Variants in SH3RF1 observed in about 807,000 individuals in gnomAD.
The protein encoded by SH3RF1 is SH3 domain containing ring finger 1, also known as E3 ubiquitin-protein ligase SH3RF1.
In SH3RF1, 32 loss-of-function variants were observed where a neutral mutation model predicts 74.0. The ratio of observed to expected loss-of-function variants is 0.43; its 90% CI spans 0.33 to 0.58. The LOEUF is 0.58. Ranked by LOEUF, SH3RF1 falls within the 20% of genes least tolerant of loss-of-function variation. The pLI, the probability that SH3RF1 is intolerant of heterozygous loss-of-function variation, is 0.05. For missense variants in SH3RF1, 954 were observed against 1,130.9 expected (o/e 0.84, Z 2.24); for synonymous variants, 396 against 439.6 (o/e 0.90, Z 1.24).
chr4:169,201,653 T>C (rs991941908), intron 2 of SH3RF1: 1 of 152,222 alleles, frequency 6.6e-6, no homozygotes, highest in African/African-American at 2.4e-5. Context: ...CCAGTCAAAG[T>C]TATAATTTTG....
intron 2 of SH3RF1, among the ~76,000 whole-genome samples, chr4:169,205,834 A>G (rs911185575): frequency 6.6e-6 from 1 of 152,238 alleles, no homozygotes; most frequent in African/African-American, 2.4e-5. Flanking sequence ...TACAAAACCC[A>G]TATCCTGACT....
intron 2 of SH3RF1, among the ~76,000 whole-genome samples, chr4:169,222,562 A>G (rs917046410): frequency 6.6e-6 from 1 of 150,656 alleles, no homozygotes; most frequent in African/African-American, 2.4e-5. Flanking sequence ...ACAACTTCCT[A>G]AGAGGAATTT....
intron 2 of SH3RF1, among the ~76,000 whole-genome samples, chr4:169,175,435 G>A (rs1205432577): frequency 7.1e-6 from 1 of 141,126 alleles, no homozygotes; most frequent in Non-Finnish European, 1.6e-5. Context: ...CTGCTACACT[G>A]GCCTTGTTGT....
chr4:169,133,949 T>A (rs562754138), intron 5 of SH3RF1, among the ~76,000 whole-genome samples: 1 of 152,250 alleles, frequency 6.6e-6, no homozygotes, highest in East Asian at 1.9e-4. Flanking sequence ...TTTTAAATGG[T>A]CTTACATGAG....
chr4:169,104,365 GA>G (rs1436023649), intron 11 of SH3RF1, among the ~76,000 whole-genome samples: 1 of 152,210 alleles, frequency 6.6e-6, no homozygotes, highest in Non-Finnish European at 1.5e-5. Flanking sequence ...TCCAGGGACA[GA>G]AGGTGCTATC....
At chr4:169,199,700 A>C (rs919892096) in intron 2 of SH3RF1, among the ~76,000 whole-genome samples, 1 of 152,192 alleles carries the variant, frequency 6.6e-6, no homozygotes, top group Admixed American at 6.5e-5. Context: ...CTTCCAATCC[A>C]CTGGGAATAA....
At chr4:169,154,792 C>A (rs1385809988) in intron 4 of SH3RF1, among the ~76,000 whole-genome samples, 1 of 152,104 alleles carries the variant, frequency 6.6e-6, no homozygotes, top group Admixed American at 6.6e-5. Context: ...AATTCTTATT[C>A]CCAAAGGACA....
chr4:169,268,992 T>A lies in SH3RF1; in HGVS notation c.221A>T (p.Asp74Val), dbSNP rs1446232115. The change falls in exon 2 of 12, where the codon GAT becomes GTT. Residue 74 changes from aspartate (D) to valine (V), a missense_variant. Physicochemically the swap from Asp to Val is radical, Grantham distance 152 (BLOSUM62 -3). This residue lies in a region of SH3RF1 where 64 missense variants were observed against 101.9 expected (regional missense o/e 0.63). Coordinates refer to ENST00000284637, the MANE Select transcript of SH3RF1 (RefSeq NM_020870.4). ...PSNILLVRLL[D>V]GIKQRPWKPG... Reference sequence around the variant, plus strand: ...TTTCCAAGGCCTCTGTTTGATGCCATCCAGAAGTCTGACCAGCAAGATGTT... The same window carrying A: ...TTTCCAAGGCCTCTGTTTGATGCCAACCAGAAGTCTGACCAGCAAGATGTT... The A allele has an allele frequency of 6.2e-7, 1 of 1,614,114 alleles. No homozygotes were observed. Among genetic ancestry groups the A allele is most frequent in the Non-Finnish European group, 8.5e-7 (1 of 1,180,022 alleles).
intron 10 of SH3RF1, among the ~76,000 whole-genome samples, chr4:169,115,417 A>G (rs1035416609): frequency 5.9e-5 from 9 of 152,306 alleles, no homozygotes; most frequent in African/African-American, 2.2e-4. Flanking sequence ...CAGCAGGGGC[A>G]TTAGATTCTC....
intron 2 of SH3RF1, among the ~76,000 whole-genome samples, chr4:169,212,057 CTTTTTTTTTTT>C (rs34108534): frequency 2.1e-5 from 1 of 48,266 alleles, no homozygotes; most frequent in Non-Finnish European, 3.7e-5. Flanking sequence ...CTTTTCTTTT[CTTTTTTTTTTT>C]TTTTTTTTTT....
chr4:169,243,098 A>G (rs1408000888), intron 2 of SH3RF1, among the ~76,000 whole-genome samples: 1 of 152,208 alleles, frequency 6.6e-6, no homozygotes. Context: ...CTTTTATTTC[A>G]TTAGACAGTT....
intron 2 of SH3RF1, among the ~76,000 whole-genome samples, chr4:169,225,456 T>C (rs1018016489): frequency 8.5e-5 from 13 of 152,060 alleles, no homozygotes; most frequent in African/African-American, 3.1e-4. Flanking sequence ...ACACCTTAGA[T>C]AGAACGCTAG....
chr4:169,136,613 G>A lies in SH3RF1; in HGVS notation c.773C>T (p.Ser258Leu). Residue 258 changes from serine (S) to leucine (L), a missense_variant, in exon 5 of 12, where the codon TCG (serine) becomes TTG (leucine). Around this residue, in one of 3 missense-constraint regions of SH3RF1, gnomAD observed 854 missense variants for 962.5 expected, o/e 0.89. Coordinates refer to ENST00000284637, the MANE Select transcript of SH3RF1 (RefSeq NM_020870.4). ...CCATTCTATCAGCTGCTTAGCAGCCGAGTTAAACTGCAAAAGCAACCAACA... is the reference window on the plus strand; with the variant it reads ...CCATTCTATCAGCTGCTTAGCAGCCAAGTTAAACTGCAAAAGCAACCAACA... Reference protein sequence around the residue: ...IFPISYVEFNSAAKQLIEWDK... With the variant: ...IFPISYVEFNLAAKQLIEWDK... 3.3e-6 allele frequency: 5 copies of A among 1,508,710 alleles called. No individual in the cohort carries two copies. The highest frequency in any genetic ancestry group is 4.4e-6 in the Non-Finnish European group (5 of 1,127,104). The allele number at this position is 1,508,710 out of a possible 1,614,324, so 93.5% of individuals were successfully genotyped here.
chr4:169,198,571 TA>T (rs1175812694), intron 2 of SH3RF1, among the ~76,000 whole-genome samples: 1 of 152,144 alleles, frequency 6.6e-6, no homozygotes, highest in Non-Finnish European at 1.5e-5. Flanking sequence ...TTATTAGAAA[TA>T]ATGCATTCTC....
At chr4:169,225,297 T>C (rs372806555) in intron 2 of SH3RF1, among the ~76,000 whole-genome samples, 1 of 151,858 alleles carries the variant, frequency 6.6e-6, no homozygotes, top group Non-Finnish European at 1.5e-5. Flanking sequence ...ACTTCACAGG[T>C]AGGAAAAGTC....
In SH3RF1 at chr4:169,114,317, G is replaced by A. The variant is rs192047134; in HGVS notation, c.2139+1952C>T. Among the ~76,000 whole-genome samples, 258 of 152,078 alleles carry A rather than the reference G, an allele frequency of 1.7e-3. 2 individuals carry two copies. The highest frequency in any genetic ancestry group is 6.0e-3 in the African/African-American group (248 of 41,498). On this transcript the variant is annotated intron_variant, in intron 10 of 11. Coordinates refer to ENST00000284637, the MANE Select transcript of SH3RF1 (RefSeq NM_020870.4). Reference sequence around the variant, plus strand: ...ATTCCTACCTCTGCTTCACCATCACGTCTCCTTCTCTGGCCCTAAGCTTCC... The same window carrying A: ...ATTCCTACCTCTGCTTCACCATCACATCTCCTTCTCTGGCCCTAAGCTTCC...
chr4:169,235,952 A>AT (rs1005377105), intron 2 of SH3RF1, among the ~76,000 whole-genome samples: 20 of 152,322 alleles, frequency 1.3e-4, no homozygotes, highest in African/African-American at 4.8e-4. Flanking sequence ...AAGTGCTGGG[A>AT]TTATAGGCGT....
intron 4 of SH3RF1, among the ~76,000 whole-genome samples, chr4:169,142,568 C>T (rs1026194606): frequency 6.6e-6 from 1 of 152,190 alleles, no homozygotes; most frequent in African/African-American, 2.4e-5. Context: ...AAGCATTTAG[C>T]ACTTTGTTTT....
chr4:169,165,208 C>T (rs1734215301), intron 2 of SH3RF1, among the ~76,000 whole-genome samples: 1 of 152,148 alleles, frequency 6.6e-6, no homozygotes, highest in South Asian at 2.1e-4. Context: ...CCTTCTCTTG[C>T]CACTGCCCTG....
Sources: allele counts gnomAD v4.1 joint callset (sites outside exome capture counted in the v4.1 genomes callset), GRCh38; gene constraint gnomAD v4.1.1; regional missense constraint gnomAD v4.1.1; transcripts MANE v1.5; gene names NCBI Gene and HGNC (gene_info 2026-07-23, HGNC 2026-07-21).